Variants in KCNIP4 observed in about 807,000 individuals in gnomAD.
KCNIP4 encodes Kv channel-interacting protein 4.
Under a neutral mutation model 34.0 loss-of-function variants are expected in KCNIP4, and 12 were observed. The ratio of observed to expected loss-of-function variants is 0.35; its 90% CI spans 0.23 to 0.57. The LOEUF (loss-of-function observed/expected upper bound fraction) is 0.57. Ranked by LOEUF, KCNIP4 falls within the 20% of genes least tolerant of loss-of-function variation. The probability of loss-of-function intolerance (pLI) is 0.83; values close to 1 mark genes in which losing one functional copy is unlikely to be tolerated. For missense variants in KCNIP4, 238 were observed against 311.7 expected (o/e 0.76, Z 1.78); for synonymous variants, 124 against 102.2 (o/e 1.21, Z -1.29).
rs986665997 is a variant in KCNIP4 at position 20,799,023 on chromosome 4, G to A, written c.289-40133C>T. On this transcript the variant is annotated intron_variant, in intron 3 of 8. Coordinates refer to ENST00000382152, the MANE Select transcript of KCNIP4 (RefSeq NM_025221.6). ...TACTAGAGTGCATCCTGCTCTGGGG[G>A]TGAAACCCATTGCACCACCCTCCAT... 9.2e-5 allele frequency among the ~76,000 whole-genome samples: 14 copies of A among 152,168 alleles called. 1 individual carries two copies. Among genetic ancestry groups the A allele is most frequent in the African/African-American group, 1.7e-4 (7 of 41,442 alleles).
At chr4:21,562,015 C>T (rs2109034351) in intron 1 of KCNIP4, among the ~76,000 whole-genome samples, 1 of 151,970 alleles carries the variant, frequency 6.6e-6, no homozygotes, top group East Asian at 1.9e-4. Context: ...AATTCTGGGA[C>T]TTTTCCTGAA....
At chr4:20,904,174 C>T (rs545614654) in intron 1 of KCNIP4, among the ~76,000 whole-genome samples, 1 of 152,120 alleles carries the variant, frequency 6.6e-6, no homozygotes, top group Admixed American at 6.6e-5. Context: ...TTACCCTTCT[C>T]TAATAGAATA....
intron 1 of KCNIP4, among the ~76,000 whole-genome samples, chr4:21,104,000 T>C (rs1748232721): frequency 6.6e-6 from 1 of 151,840 alleles, no homozygotes; most frequent in Admixed American, 6.6e-5. Flanking sequence ...GACATTTGGG[T>C]TGGTTCCAAG....
intron 1 of KCNIP4, among the ~76,000 whole-genome samples, chr4:20,976,589 G>A (rs1735512391): frequency 6.6e-6 from 1 of 152,060 alleles, no homozygotes; most frequent in Non-Finnish European, 1.5e-5. Flanking sequence ...CTGCTTTATA[G>A]CCTATACTCT....
intron 1 of KCNIP4, among the ~76,000 whole-genome samples, chr4:21,173,324 T>C (rs1233682324): frequency 6.6e-6 from 1 of 152,140 alleles, no homozygotes; most frequent in Non-Finnish European, 1.5e-5. Flanking sequence ...ATGAGAAGAC[T>C]AAAGCTCATA....
chr4:20,964,932 C>T (rs75749998), intron 1 of KCNIP4, among the ~76,000 whole-genome samples: 3,636 of 152,196 alleles, frequency 0.024, 153 homozygotes, highest in African/African-American at 0.083. Flanking sequence ...TAAACAAATA[C>T]TGGCTAGTAG....
intron 1 of KCNIP4, among the ~76,000 whole-genome samples, chr4:21,299,986 A>G (rs1009958392): frequency 6.6e-6 from 1 of 152,188 alleles, no homozygotes; most frequent in Non-Finnish European, 1.5e-5. Flanking sequence ...GACTTAGATT[A>G]CCAGTTGATT....
chr4:21,120,946 T>G (rs1034763885), intron 1 of KCNIP4, among the ~76,000 whole-genome samples: 1 of 152,204 alleles, frequency 6.6e-6, no homozygotes, highest in African/African-American at 2.4e-5. Flanking sequence ...ATGTAAATTC[T>G]GGGGAGGCAC....
chr4:21,184,218 T>C (rs1755047441), intron 1 of KCNIP4, among the ~76,000 whole-genome samples: 1 of 152,166 alleles, frequency 6.6e-6, no homozygotes, highest in African/African-American at 2.4e-5. Context: ...CATAGGATTA[T>C]TGTGAGAATT....
intron 3 of KCNIP4, among the ~76,000 whole-genome samples, chr4:20,805,290 A>T (rs141760741): frequency 1.1e-3 from 146 of 134,876 alleles, no homozygotes; most frequent in African/African-American, 3.9e-3. Flanking sequence ...CCCACCTGGG[A>T]TTCCCAAAGT....
intron 1 of KCNIP4, among the ~76,000 whole-genome samples, chr4:21,333,304 C>T (rs1715836997): frequency 1.3e-5 from 2 of 151,692 alleles, no homozygotes; most frequent in Non-Finnish European, 2.9e-5. Flanking sequence ...TTTTTACCCC[C>T]AGGGACCAGT....
intron 1 of KCNIP4, among the ~76,000 whole-genome samples, chr4:21,927,287 G>A (rs1166951268): frequency 6.6e-6 from 1 of 151,988 alleles, no homozygotes; most frequent in Non-Finnish European, 1.5e-5. Context: ...ATATCTGCAG[G>A]GTCCCTTTAG....
chr4:21,332,909 C>CCT lies in KCNIP4; in HGVS notation c.62-450202_62-450201dup, dbSNP rs146768250. 9.1e-3 allele frequency among the ~76,000 whole-genome samples: 1,377 copies of CCT among 152,062 alleles called. 23 individuals carry two copies. The highest frequency in any genetic ancestry group is 0.03 in the African/African-American group (1,255 of 41,518). On this transcript the variant is annotated intron_variant, in intron 1 of 8. Transcript: ENST00000382152. The stretch of plus-strand genomic sequence containing the variant: ...TTTATGGTTTATCAAGTATTACCTG[C>CCT]CTCTCTAATTGTTCTTACAATGTTT...
At chr4:21,239,058 A>G (rs991482957) in intron 1 of KCNIP4, among the ~76,000 whole-genome samples, 4 of 152,106 alleles carry the variant, frequency 2.6e-5, no homozygotes, top group African/African-American at 9.7e-5. Flanking sequence ...CAGAGCCCTC[A>G]GAAATAATGC....
intron 1 of KCNIP4, among the ~76,000 whole-genome samples, chr4:21,514,730 TGAAA>T (rs1734615318): frequency 1.3e-5 from 2 of 151,984 alleles, no homozygotes; most frequent in Admixed American, 6.6e-5. Flanking sequence ...CAAAAAAAAG[TGAAA>T]GAAAGACTCT....
chr4:21,449,795 G>A (rs1421962621), intron 1 of KCNIP4, among the ~76,000 whole-genome samples: 1 of 151,866 alleles, frequency 6.6e-6, no homozygotes, highest in Admixed American at 6.6e-5. Flanking sequence ...CATAAGAGGT[G>A]CTCACAAATG....
intron 1 of KCNIP4, among the ~76,000 whole-genome samples, chr4:21,783,758 A>G (rs1201859610): frequency 6.6e-6 from 1 of 152,210 alleles, no homozygotes; most frequent in Non-Finnish European, 1.5e-5. Flanking sequence ...ATAAATGTAC[A>G]TATCGGAGGA....
At position 21,428,257 on chromosome 4, in the gene KCNIP4, C is replaced by A. The variant is rs77172916; in HGVS notation, c.61+520314G>T. On this transcript the variant is annotated intron_variant, in intron 1 of 8. Coordinates refer to ENST00000382152, the MANE Select transcript of KCNIP4 (RefSeq NM_025221.6). ...GAGTCAGAGAATGACATCGTATAGT[C>A]GTTTTTAAAGTAGGAATTACTTGCA... Among the ~76,000 whole-genome samples the A allele has an allele frequency of 7.6e-3, 1,163 of 152,192 alleles. 24 individuals are homozygous for A. The highest frequency in any genetic ancestry group is 0.026 in the African/African-American group (1,093 of 41,516).
chr4:21,127,497 A>G lies in KCNIP4; in HGVS notation c.62-244788T>C, dbSNP rs575095103. Among the ~76,000 whole-genome samples, 182 of 152,208 alleles carry G rather than the reference A, an allele frequency of 1.2e-3. 1 individual carries two copies. Among genetic ancestry groups the G allele is most frequent in the African/African-American group, 4.2e-3 (173 of 41,544 alleles). On this transcript the variant is annotated intron_variant, in intron 1 of 8. Transcript: ENST00000382152. ...ATTTATTAACTTGTTTATCATCTGCACTTCCATCTTACCTGACTCTCCGCA... is the reference window on the plus strand; with the variant it reads ...ATTTATTAACTTGTTTATCATCTGCGCTTCCATCTTACCTGACTCTCCGCA...
Sources: allele counts gnomAD v4.1 joint callset (sites outside exome capture counted in the v4.1 genomes callset), GRCh38; gene constraint gnomAD v4.1.1; transcripts MANE v1.5; gene names NCBI Gene and HGNC (gene_info 2026-07-23, HGNC 2026-07-21).